The following CEP83 variants were observed in gnomAD, a reference collection of about 807,000 sequenced individuals.
CEP83 encodes centrosomal protein of 83 kDa.
Under a neutral mutation model 101.9 loss-of-function variants are expected in CEP83, and 70 were observed. The observed-to-expected ratio is 0.69, with a 90% CI of 0.57 to 0.84. The LOEUF is 0.84. Ranked by LOEUF, CEP83 falls within the 40% of genes least tolerant of loss-of-function variation. The pLI is 0.00. For missense variants in CEP83, 715 were observed against 787.2 expected (o/e 0.91, Z 1.10); for synonymous variants, 264 against 267.9 (o/e 0.99, Z 0.14).
chr12:94,408,952 T>A (rs1477751792), intron 4 of CEP83, among the ~76,000 whole-genome samples: 1 of 152,118 alleles, frequency 6.6e-6, no homozygotes, highest in Non-Finnish European at 1.5e-5. Context: ...ATCATTACCA[T>A]TCACTACTGA....
At chr12:94,301,084 T>A in the CEP83 span, 3 of 1,606,384 alleles carry the variant, frequency 1.9e-6, no homozygotes, top group Non-Finnish European at 2.6e-6. Flanking sequence ...GTATTTCTTG[T>A]ATGCAGTCTT....
intron 2 of CEP83, among the ~76,000 whole-genome samples, chr12:94,425,375 G>T (rs1361658501): frequency 6.6e-6 from 1 of 152,146 alleles, no homozygotes; most frequent in Non-Finnish European, 1.5e-5. Flanking sequence ...GAGGGATCCT[G>T]TCAGATCATG....
At chr12:94,320,227 A>G (rs991820941) in intron 14 of CEP83, among the ~76,000 whole-genome samples, 5 of 152,130 alleles carry the variant, frequency 3.3e-5, no homozygotes, top group Admixed American at 1.3e-4. Flanking sequence ...TTTTGAGCCT[A>G]TGGGTGTCAT....
chr12:94,428,684 G>A (rs1167375968), intron 2 of CEP83, among the ~76,000 whole-genome samples: 1 of 152,062 alleles, frequency 6.6e-6, no homozygotes, highest in African/African-American at 2.4e-5. Context: ...AGACACACAG[G>A]TTAATGTTAA....
chr12:94,301,674 A>G (rs775032932), downstream of CEP83, among the ~76,000 whole-genome samples: 21 of 152,218 alleles, frequency 1.4e-4, no homozygotes, highest in Non-Finnish European at 7.3e-5. Context: ...ATCTTTGAAC[A>G]CTGAGGAGGA....
chr12:94,295,659 T>C, the CEP83 span, among the ~76,000 whole-genome samples: 1 of 152,146 alleles, frequency 6.6e-6, no homozygotes, highest in African/African-American at 2.4e-5. Flanking sequence ...CAACGCTGGA[T>C]GAACCCAACG....
At chr12:94,315,706 T>TA (rs1339835505) in intron 14 of CEP83, among the ~76,000 whole-genome samples, 2 of 152,192 alleles carry the variant, frequency 1.3e-5, no homozygotes, top group East Asian at 1.9e-4. Context: ...TTTTTTTTTT[T>TA]ACCTATCACA....
intron 4 of CEP83, among the ~76,000 whole-genome samples, chr12:94,408,409 C>G (rs1024203027): frequency 6.6e-6 from 1 of 152,056 alleles, no homozygotes; most frequent in African/African-American, 2.4e-5. Context: ...AACCTGTATA[C>G]TAGGTTATAC....
chr12:94,362,512 C>G (rs2060820686), intron 11 of CEP83, among the ~76,000 whole-genome samples: 2 of 152,152 alleles, frequency 1.3e-5, no homozygotes, highest in South Asian at 4.1e-4. Context: ...GTGGCACACA[C>G]CTGTAATCCA....
At position 94,335,969 on chromosome 12, in the gene CEP83, C is replaced by G. The variant is rs73370311; in HGVS notation, c.1344-305G>C. On this transcript the variant is annotated intron_variant, in intron 11 of 16. Transcript: ENST00000397809. ...CAGGTAGGATTTTGATATACATAAACAACAGCCTGAAAAAGTGGCCTTTCA... is the reference window on the plus strand; with the variant it reads ...CAGGTAGGATTTTGATATACATAAAGAACAGCCTGAAAAAGTGGCCTTTCA... 7,380 of 238,942 alleles carry G rather than the reference C, an allele frequency of 0.031. 450 individuals carry two copies. The highest frequency in any genetic ancestry group is 0.14 in the African/African-American group (6,252 of 43,960). The allele number at this position is 238,942 out of a possible 1,614,324, so 14.8% of individuals were successfully genotyped here.
chr12:94,416,157 T>G (rs2064246467), intron 2 of CEP83, among the ~76,000 whole-genome samples: 1 of 152,070 alleles, frequency 6.6e-6, no homozygotes, highest in Non-Finnish European at 1.5e-5. Context: ...TAAATGAAAA[T>G]TGATACTCCA....
intron 1 of CEP83, among the ~76,000 whole-genome samples, chr12:94,441,914 CAA>C (rs370968833): frequency 8.1e-5 from 5 of 61,820 alleles, no homozygotes; most frequent in East Asian, 4.2e-4. Context: ...GACTCCGTCT[CAA>C]AAAAAAAAAA....
chr12:94,265,937 G>A, the CEP83 span, among the ~76,000 whole-genome samples: 3 of 152,218 alleles, frequency 2.0e-5, no homozygotes, highest in Admixed American at 6.5e-5. Context: ...AGCAGGGAAG[G>A]TAACTTTAGA....
At chr12:94,441,914 CAAAAAAAAAAAA>C (rs370968833) in intron 1 of CEP83, among the ~76,000 whole-genome samples, 2 of 61,848 alleles carry the variant, frequency 3.2e-5, no homozygotes, top group African/African-American at 1.2e-4. Context: ...GACTCCGTCT[CAAAAAAAAAAAA>C]AAAAAAAAAA....
upstream of CEP83, chr12:94,460,071 G>C (rs1413155126): frequency 6.6e-6 from 1 of 152,332 alleles, no homozygotes; most frequent in South Asian, 2.1e-4. Context: ...CGAGGCGGGA[G>C]CGGCCACGGG....
chr12:94,395,369 T>C (rs1306725153), intron 6 of CEP83, among the ~76,000 whole-genome samples: 1 of 148,956 alleles, frequency 6.7e-6, no homozygotes, highest in Non-Finnish European at 1.5e-5. Flanking sequence ...AGTAACAAAT[T>C]AAAAAAAAAA....
In CEP83 at chr12:94,309,847, C is replaced by T. The variant is rs572844367; in HGVS notation, c.2001+71G>A. 1.4e-5 allele frequency: 14 copies of T among 998,478 alleles called. No individual in the cohort carries two copies. In the South Asian group the frequency reaches 3.4e-4, roughly 24 times the overall value. The allele number at this position is 998,478 out of a possible 1,614,324, so 61.9% of individuals were successfully genotyped here. A position where few individuals can be genotyped will look rare whatever the true frequency, so the allele number is the denominator to read the frequency against. On this transcript the variant is annotated intron_variant, in intron 16 of 16. Transcript: ENST00000397809. ...ACCAAAGTTATAATTTGAGTTTTAT[C>T]ACCATATTTAAACATAAAAACCTAC...
rs1025097456 is a variant in CEP83 at position 94,403,189 on chromosome 12, C to T, written c.398G>A (p.Arg133His). The T allele has an allele frequency of 4.5e-6, 7 of 1,565,810 alleles. No homozygotes were observed. The highest frequency in any genetic ancestry group is 2.7e-5 in the African/African-American group (2 of 73,894). Reference protein sequence around the residue: ...QQELETPMRERFRNLDEEVEK... With the variant: ...QQELETPMREHFRNLDEEVEK... Reference sequence around the variant, plus strand: ...ACTTACTTCATCTAGATTCCTAAAACGTTCTCTCATTGGAGTTTCTAATTC... The same window carrying T: ...ACTTACTTCATCTAGATTCCTAAAATGTTCTCTCATTGGAGTTTCTAATTC... Residue 133 changes from arginine (R) to histidine (H), a missense_variant, in exon 5 of 17, where the codon CGT becomes CAT. Physicochemically the swap from Arg to His is conservative, Grantham distance 29. Coordinates refer to ENST00000397809, the MANE Select transcript of CEP83 (RefSeq NM_016122.3).
At position 94,413,825 on chromosome 12, in the gene CEP83, T is replaced by TACACACAC. The variant is rs56372938; in HGVS notation, c.-101-1242_-101-1235dup. Among the ~76,000 whole-genome samples, 71 of 140,488 alleles carry TACACACAC rather than the reference T, an allele frequency of 5.1e-4. 1 individual carries two copies. Among genetic ancestry groups the TACACACAC allele is most frequent in the African/African-American group, 1.4e-3 (51 of 37,766 alleles). 92.2% of individuals were successfully genotyped at this position (140,488 alleles called of 152,430 possible). On this transcript the variant is annotated intron_variant, in intron 2 of 16. Transcript: ENST00000397809. ...TTTCTTTCTCTAGTCCCATAATACA[T>TACACACAC]ACACACACACACACACACACACACA...
Sources: gnomAD v4.1 joint callset for allele counts (sites outside exome capture counted in the v4.1 genomes callset) on GRCh38, gnomAD v4.1.1 for gene constraint, MANE v1.5 for transcripts, NCBI Gene and HGNC (gene_info 2026-07-23, HGNC 2026-07-21) for gene names.